Variants in TF observed in about 807,000 individuals in gnomAD.
TF encodes the protein transferrin.
Under a neutral mutation model 82.4 loss-of-function variants are expected in TF, and 55 were observed. The ratio of observed to expected loss-of-function variants is 0.67; its 90% CI spans 0.54 to 0.84. TF has a LOEUF of 0.84. Ranked by LOEUF, TF falls within the 40% of genes least tolerant of loss-of-function variation. The pLI is 0.00. For synonymous variants in TF, 332 were observed against 332.6 expected (o/e 1.00, Z 0.02); for missense variants, 737 against 868.4 (o/e 0.85, Z 1.90).
At chr3:133,763,722 T>C (rs948883590) in intron 9 of TF, among the ~76,000 whole-genome samples, 7 of 152,364 alleles carry the variant, frequency 4.6e-5, no homozygotes, top group Non-Finnish European at 1.0e-4. Context: ...ATTAAACATG[T>C]TGTATGCACC....
chr3:133,763,900 A>G (rs1216733727), intron 9 of TF, among the ~76,000 whole-genome samples: 3 of 152,248 alleles, frequency 2.0e-5, no homozygotes, highest in Non-Finnish European at 4.4e-5. Flanking sequence ...TCTCTGGGAC[A>G]GTGTGTCCTA....
At chr3:133,724,844 GA>G in the TF span, among the ~76,000 whole-genome samples, 2 of 152,206 alleles carry the variant, frequency 1.3e-5, no homozygotes, top group Non-Finnish European at 2.9e-5. Context: ...AAGGTGTAAG[GA>G]AGGGATCCAG....
chr3:133,755,018 A>G (rs1259643948), intron 4 of TF, among the ~76,000 whole-genome samples: 1 of 152,146 alleles, frequency 6.6e-6, no homozygotes, highest in African/African-American at 2.4e-5. Flanking sequence ...CACCTCTCTT[A>G]AGCAGTTCTC....
chr3:133,689,035 T>C, the TF span, among the ~76,000 whole-genome samples: 1 of 152,164 alleles, frequency 6.6e-6, no homozygotes, highest in South Asian at 2.1e-4. Context: ...CTTTTACTAG[T>C]ATAATATAGG....
intron 12 of TF, 30 bp from the exon 13 acceptor site, chr3:133,767,999 A>G: frequency 6.2e-7 from 1 of 1,613,930 alleles, no homozygotes; most frequent in South Asian, 1.1e-5. Context: ...GACTCAGGAA[A>G]AGCTGACTTC....
In TF at chr3:133,784,108, C is replaced by CGA. The variant is rs1934584381; in HGVS notation, c.*5490_*5491dup. 1.3e-5 allele frequency: 2 copies of CGA among 152,284 alleles called. No homozygotes were observed. Among genetic ancestry groups the CGA allele is most frequent in the Admixed American group, 1.3e-4 (2 of 15,272 alleles). 9.4% of individuals were successfully genotyped at this position (152,284 alleles called of 1,614,324 possible). A position where few individuals can be genotyped will look rare whatever the true frequency, so the allele number is the denominator to read the frequency against. On this transcript the variant is annotated 3_prime_UTR_variant, in exon 17 of 17. Coordinates refer to ENST00000402696, the MANE Select transcript of TF (RefSeq NM_001063.4). ...CAAGTGGACGACACCCACCTAGTCCCGAGGACAACCGACAAAGTCCTTAAT... is the reference window on the plus strand; with the variant it reads ...CAAGTGGACGACACCCACCTAGTCCCGAGAGGACAACCGACAAAGTCCTTAAT...
chr3:133,756,351 A>G lies in TF; in HGVS notation c.691+14A>G, dbSNP rs1933829989. On this transcript the variant is annotated intron_variant, in intron 6 of 16. Coordinates refer to ENST00000402696, the MANE Select transcript of TF (RefSeq NM_001063.4). ...CGACTATATTTGGTAAGAATGGGAC[A>G]AGAATCCACCAGGGCCACTCCAAGT... 2.5e-6 allele frequency: 4 copies of G among 1,613,962 alleles called. No homozygotes were observed. The highest frequency in any genetic ancestry group is 3.4e-6 in the Non-Finnish European group (4 of 1,179,924).
the TF span, chr3:133,662,461 C>T: frequency 6.6e-6 from 1 of 152,372 alleles, no homozygotes; most frequent in African/African-American, 2.4e-5. Context: ...CACCGCCTAA[C>T]ACAGCCACAA....
At chr3:133,734,691 A>C in the TF span, among the ~76,000 whole-genome samples, 3 of 152,206 alleles carry the variant, frequency 2.0e-5, no homozygotes, top group South Asian at 4.1e-4. Flanking sequence ...GTACTAATTC[A>C]TTCTGTGAAT....
intron 15 of TF, among the ~76,000 whole-genome samples, chr3:133,776,450 A>T (rs1934393757): frequency 6.6e-6 from 1 of 152,192 alleles, no homozygotes; most frequent in Non-Finnish European, 1.5e-5. Context: ...TAAAAAAAAT[A>T]AGAGTATATT....
At chr3:133,662,189 T>TA in the TF span, 2 of 152,334 alleles carry the variant, frequency 1.3e-5, no homozygotes, top group Middle Eastern at 3.4e-3. Flanking sequence ...CCTTTACTGT[T>TA]AAAAAAGCCA....
upstream of TF, among the ~76,000 whole-genome samples, chr3:133,744,938 C>T (rs1272531893): frequency 6.6e-6 from 1 of 152,112 alleles, no homozygotes; most frequent in African/African-American, 2.4e-5. Flanking sequence ...TTCAGGTGTC[C>T]TAAGGGAAGA....
intron 5 of TF, chr3:133,755,872 C>A (rs1933812042): frequency 2.3e-6 from 1 of 437,376 alleles, no homozygotes; most frequent in Non-Finnish European, 4.2e-6. Context: ...GCTCAGCACA[C>A]TGCCTGTCTC....
At chr3:133,676,647 C>G in the TF span, among the ~76,000 whole-genome samples, 9 of 152,212 alleles carry the variant, frequency 5.9e-5, no homozygotes, top group African/African-American at 1.7e-4. Flanking sequence ...AGCACGGCCA[C>G]GTGGGGCCAC....
Position 133,777,033 on chromosome 3 carries a change from T to TCTGTGAGGTG in TF, c.1873-12_1873-11insGAGGTGCTGT. 6.2e-7 allele frequency: 1 copy of TCTGTGAGGTG among 1,613,940 alleles called. No individual in the cohort carries two copies. Among genetic ancestry groups the TCTGTGAGGTG allele is most frequent in the Non-Finnish European group, 8.5e-7 (1 of 1,179,826 alleles). On this transcript the variant is annotated splice_polypyrimidine_tract_variant and intron_variant, in intron 15 of 16. Transcript: ENST00000402696. ...AAGACCACAAGGTCCTCACGGACTTTCTGTTCACTTGACAGCACCTATTTG... is the reference window on the plus strand; with the variant it reads ...AAGACCACAAGGTCCTCACGGACTTTCTGTGAGGTGCTGTTCACTTGACAGCACCTATTTG...
At chr3:133,684,138 T>A in the TF span, among the ~76,000 whole-genome samples, 18 of 152,308 alleles carry the variant, frequency 1.2e-4, 1 homozygote, top group South Asian at 3.5e-3. Context: ...GAAATAAAGA[T>A]GTTCTTTGAA....
chr3:133,724,953 A>G, the TF span, among the ~76,000 whole-genome samples: 1 of 152,136 alleles, frequency 6.6e-6, no homozygotes, highest in Non-Finnish European at 1.5e-5. Flanking sequence ...TTTGTCAAAG[A>G]TCAGATAGTT....
the TF span, among the ~76,000 whole-genome samples, chr3:133,684,771 A>T: frequency 1.3e-5 from 2 of 152,346 alleles, no homozygotes; most frequent in East Asian, 3.9e-4. Context: ...ATTCTACCAG[A>T]GGTACGAAGA....
At chr3:133,704,885 C>T in the TF span, among the ~76,000 whole-genome samples, 1 of 152,162 alleles carries the variant, frequency 6.6e-6, no homozygotes, top group Non-Finnish European at 1.5e-5. Flanking sequence ...TCATTGATTA[C>T]ACCTCATCTG....
Sources: allele counts gnomAD v4.1 joint callset (sites outside exome capture counted in the v4.1 genomes callset), GRCh38; gene constraint gnomAD v4.1.1; transcripts MANE v1.5; gene names NCBI Gene and HGNC (gene_info 2026-07-23, HGNC 2026-07-21).